TULP4: variants seen among roughly 807,000 people sequenced by gnomAD.
TULP4 encodes the protein tubby-related protein 4.
TULP4 carries 16 observed loss-of-function variants against 129.0 expected under a neutral mutation model. The ratio of observed to expected loss-of-function variants is 0.12; its 90% CI spans 0.08 to 0.19. The LOEUF is 0.19. Ranked by LOEUF, TULP4 falls within the 10% of genes least tolerant of loss-of-function variation. The pLI is 1.00. For synonymous variants in TULP4, 998 were observed against 854.0 expected (o/e 1.17, Z -2.94); for missense variants, 1,842 against 2,059.1 (o/e 0.89, Z 2.04).
intron 1 of TULP4, among the ~76,000 whole-genome samples, chr6:158,266,910 C>T (rs1293489975): frequency 6.6e-6 from 1 of 152,172 alleles, no homozygotes; most frequent in Non-Finnish European, 1.5e-5. Context: ...TATCCATCTC[C>T]AGAACTTTTG....
intron 1 of TULP4, among the ~76,000 whole-genome samples, chr6:158,254,003 T>G (rs78243716): frequency 3.3e-5 from 5 of 151,784 alleles, no homozygotes; most frequent in Admixed American, 2.6e-4. Flanking sequence ...TGCCCCACTG[T>G]ACTCCAGCCT....
intron 6 of TULP4, among the ~76,000 whole-genome samples, chr6:158,474,769 A>G (rs936764018): frequency 6.6e-6 from 1 of 152,194 alleles, no homozygotes; most frequent in Non-Finnish European, 1.5e-5. Flanking sequence ...TTTGCATTGT[A>G]TCAGGTGAGC....
intron 1 of TULP4, among the ~76,000 whole-genome samples, chr6:158,360,816 A>G (rs894392877): frequency 6.6e-6 from 1 of 152,202 alleles, no homozygotes; most frequent in Non-Finnish European, 1.5e-5. Context: ...ATGCTCTGTC[A>G]TGTATAATGC....
chr6:158,248,548 C>T (rs1778076417), intron 1 of TULP4, among the ~76,000 whole-genome samples: 2 of 152,038 alleles, frequency 1.3e-5, no homozygotes, highest in South Asian at 4.1e-4. Context: ...GGATTACAGG[C>T]ATGAGCCACC....
chr6:158,241,058 C>T (rs1415051561), intron 1 of TULP4, among the ~76,000 whole-genome samples: 4 of 139,060 alleles, frequency 2.9e-5, no homozygotes, highest in South Asian at 2.3e-4. Flanking sequence ...ACGCTCCTCA[C>T]CTCCCAGACG....
chr6:158,255,346 T>C (rs1030793616), intron 1 of TULP4, among the ~76,000 whole-genome samples: 2 of 152,194 alleles, frequency 1.3e-5, no homozygotes, highest in Non-Finnish European at 2.9e-5. Context: ...TTAGAGAGCC[T>C]CTTGTCTCCT....
intron 1 of TULP4, among the ~76,000 whole-genome samples, chr6:158,316,531 C>T (rs1293841269): frequency 1.3e-5 from 2 of 152,154 alleles, no homozygotes; most frequent in Non-Finnish European, 2.9e-5. Flanking sequence ...ATATATTGGG[C>T]ATATACATAC....
chr6:158,495,660 T>C (rs151201893), intron 11 of TULP4, among the ~76,000 whole-genome samples: 3 of 152,252 alleles, frequency 2.0e-5, no homozygotes, highest in African/African-American at 7.2e-5. Context: ...CTGACCAACA[T>C]GGAGAACCTT....
chr6:158,402,066 G>T (rs1205885757), intron 1 of TULP4, among the ~76,000 whole-genome samples: 2 of 152,178 alleles, frequency 1.3e-5, no homozygotes, highest in Non-Finnish European at 2.9e-5. Context: ...TGAGAAAGTT[G>T]TGAAGGTTTC....
rs201620126 is a variant in TULP4 at position 158,502,831 on chromosome 6, C to T, written c.3168C>T (p.Thr1056=). The T allele has an allele frequency of 1.8e-4, 287 of 1,613,056 alleles. 1 individual carries two copies. Among genetic ancestry groups the T allele is most frequent in the East Asian group, 2.9e-4 (13 of 44,850 alleles). ...SSQPGASLAH[T]ASASPLASQS... is the part of the protein sequence containing the mutation. ...AGCCCGGAGCCTCCCTGGCCCATAC[C>T]GCCAGCGCCTCCCCGTTGGCCTCCC... is the stretch of plus-strand genomic sequence containing the variant. Residue 1056 remains threonine (T), a synonymous_variant, in exon 13 of 14, where the codon ACC becomes ACT. Transcript: ENST00000367097.
At chr6:158,240,367 G>A (rs1485719148) in intron 1 of TULP4, among the ~76,000 whole-genome samples, 7 of 75,138 alleles carry the variant, frequency 9.3e-5, no homozygotes, top group African/African-American at 9.1e-5. Flanking sequence ...CCTCCCTCCC[G>A]GACCGGGCGG....
chr6:158,236,933 C>T (rs532497628), intron 1 of TULP4, among the ~76,000 whole-genome samples: 35 of 150,352 alleles, frequency 2.3e-4, no homozygotes, highest in African/African-American at 8.3e-4. Flanking sequence ...GCCTCAGCCA[C>T]CCGAGTAGCT....
chr6:158,484,120 G>A (rs1780012314), intron 8 of TULP4, among the ~76,000 whole-genome samples: 1 of 151,738 alleles, frequency 6.6e-6, no homozygotes, highest in Non-Finnish European at 1.5e-5. Context: ...TGGAGGTGGG[G>A]GCTCCATGTG....
intron 1 of TULP4, among the ~76,000 whole-genome samples, chr6:158,306,135 T>C (rs1418316): frequency 8.3e-4 from 127 of 152,364 alleles, no homozygotes; most frequent in Non-Finnish European, 7.5e-4. Context: ...CTAGCATATA[T>C]GGCGTTTTAT....
intron 1 of TULP4, among the ~76,000 whole-genome samples, chr6:158,387,264 A>T (rs1217676162): frequency 6.6e-6 from 1 of 152,156 alleles, no homozygotes; most frequent in Non-Finnish European, 1.5e-5. Context: ...GGTCAGGAAC[A>T]TCCAAACTGG....
At chr6:158,445,179 G>A (rs1436786734) in intron 3 of TULP4, among the ~76,000 whole-genome samples, 3 of 152,128 alleles carry the variant, frequency 2.0e-5, no homozygotes, top group East Asian at 1.9e-4. Context: ...CAAACCCAGC[G>A]AGGCAGCCAT....
At chr6:158,323,270 C>T (rs1168265455) in intron 1 of TULP4, among the ~76,000 whole-genome samples, 1 of 152,196 alleles carries the variant, frequency 6.6e-6, no homozygotes, top group African/African-American at 2.4e-5. Context: ...GAGCATGCTA[C>T]ACTTTTTATT....
chr6:158,279,996 C>T (rs9356560), upstream of TULP4, among the ~76,000 whole-genome samples: 59,921 of 151,990 alleles, frequency 0.39, 12,199 homozygotes, highest in Admixed American at 0.48. Flanking sequence ...CGAGATGCAC[C>T]ACGGTAGACG....
At chr6:158,477,766 C>G (rs1443836496) in intron 6 of TULP4, among the ~76,000 whole-genome samples, 3 of 151,988 alleles carry the variant, frequency 2.0e-5, no homozygotes, top group Admixed American at 6.6e-5. Flanking sequence ...TGGGTATATA[C>G]CCAAAGGAAT....
Sources: gnomAD v4.1 joint callset for allele counts (sites outside exome capture counted in the v4.1 genomes callset) on GRCh38, gnomAD v4.1.1 for gene constraint, MANE v1.5 for transcripts, NCBI Gene and HGNC (gene_info 2026-07-23, HGNC 2026-07-21) for gene names.